TDRD3: variants seen among roughly 807,000 people sequenced by gnomAD.
The protein encoded by TDRD3 is tudor domain-containing protein 3.
Under a neutral mutation model 86.7 loss-of-function variants are expected in TDRD3, and 45 were observed. That is an observed-to-expected ratio of 0.52 (90% CI 0.41 to 0.67). The LOEUF is 0.67. Ranked by LOEUF, TDRD3 falls within the 30% of genes least tolerant of loss-of-function variation. The pLI is 0.00. For missense variants in TDRD3, 814 were observed against 889.0 expected (o/e 0.92, Z 1.07); for synonymous variants, 298 against 301.7 (o/e 0.99, Z 0.13).
intron 1 of TDRD3, among the ~76,000 whole-genome samples, chr13:60,425,156 G>A (rs1954769501): frequency 6.6e-6 from 1 of 152,082 alleles, no homozygotes; most frequent in African/African-American, 2.4e-5. Flanking sequence ...AGTCATCTTT[G>A]AAACAGAATA....
At position 60,510,655 on chromosome 13, in the gene TDRD3, A is replaced by T; in HGVS notation, c.1041A>T (p.Ile347=). Residue 347 remains isoleucine, a synonymous_variant, in exon 10 of 14, where the codon ATA becomes ATT. Transcript: ENST00000377881. ...GTAGAGGAAAAGGCAGGGGGCGAAT[A>T]AGATCTGAAGATGAAGAGGACCTGG... ...LRGRGKGRGR[I]RSEDEEDLGN... is the part of the protein sequence containing the mutation. The T allele has an allele frequency of 6.2e-7, 1 of 1,602,872 alleles. No homozygotes were observed. Among genetic ancestry groups the T allele is most frequent in the Non-Finnish European group, 8.5e-7 (1 of 1,174,588 alleles).
chr13:60,470,797 G>C (rs1454622149), intron 5 of TDRD3, among the ~76,000 whole-genome samples: 1 of 151,870 alleles, frequency 6.6e-6, no homozygotes, highest in African/African-American at 2.4e-5. Context: ...TGGCCAGGCT[G>C]GTCTCCAACT....
chr13:60,482,691 G>A (rs896853797), intron 5 of TDRD3, among the ~76,000 whole-genome samples: 6 of 152,062 alleles, frequency 3.9e-5, no homozygotes, highest in African/African-American at 1.4e-4. Flanking sequence ...AAGAAACGTG[G>A]CACTCATATA....
intron 1 of TDRD3, among the ~76,000 whole-genome samples, chr13:60,415,870 C>T (rs578017183): frequency 6.6e-5 from 10 of 152,148 alleles, no homozygotes; most frequent in Non-Finnish European, 1.0e-4. Context: ...AGACAATTTA[C>T]GGAAAAACAT....
intron 5 of TDRD3, among the ~76,000 whole-genome samples, chr13:60,480,913 G>A (rs906603193): frequency 1.3e-5 from 2 of 152,102 alleles, no homozygotes; most frequent in African/African-American, 2.4e-5. Flanking sequence ...GTGCACTCTG[G>A]TGGGAAGCCC....
chr13:60,410,908 T>C (rs141087039), intron 1 of TDRD3, among the ~76,000 whole-genome samples: 244 of 152,318 alleles, frequency 1.6e-3, no homozygotes, highest in Admixed American at 4.9e-3. Context: ...TCAAAAGTCT[T>C]TATAAACATA....
chr13:60,569,718 AAAAC>A (rs1195956089), intron 13 of TDRD3, among the ~76,000 whole-genome samples: 14 of 152,168 alleles, frequency 9.2e-5, no homozygotes, highest in Admixed American at 9.2e-4. Context: ...TACTGACATA[AAAAC>A]AAACAGACCA....
intron 1 of TDRD3, among the ~76,000 whole-genome samples, chr13:60,413,343 G>T (rs1322716571): frequency 6.6e-6 from 1 of 152,118 alleles, no homozygotes; most frequent in Non-Finnish European, 1.5e-5. Context: ...TGCTTGAGAA[G>T]CTGTATGGCT....
intron 7 of TDRD3, among the ~76,000 whole-genome samples, chr13:60,491,398 A>G (rs921020976): frequency 6.6e-6 from 1 of 152,228 alleles, no homozygotes; most frequent in South Asian, 2.1e-4. Context: ...TTATGAGGCC[A>G]AATGAGATCA....
At chr13:60,453,126 A>G (rs886620532) in intron 3 of TDRD3, among the ~76,000 whole-genome samples, 1 of 152,182 alleles carries the variant, frequency 6.6e-6, no homozygotes, top group Non-Finnish European at 1.5e-5. Context: ...AAGTTTAACG[A>G]TGAAGTTAAA....
At chr13:60,549,857 A>G (rs2038629) in intron 12 of TDRD3, among the ~76,000 whole-genome samples, 5,146 of 152,088 alleles carry the variant, frequency 0.034, 131 homozygotes, top group Non-Finnish European at 0.052. Flanking sequence ...ATTTTTTTTC[A>G]TGACAAAGTG....
At chr13:60,498,331 G>A (rs767983671) in intron 8 of TDRD3, among the ~76,000 whole-genome samples, 25 of 152,294 alleles carry the variant, frequency 1.6e-4, no homozygotes, top group Admixed American at 2.6e-4. Context: ...TAACTGCAGT[G>A]GGAATAATTG....
intron 1 of TDRD3, among the ~76,000 whole-genome samples, chr13:60,397,849 G>A (rs1953976226): frequency 6.6e-6 from 1 of 152,142 alleles, no homozygotes; most frequent in African/African-American, 2.4e-5. Flanking sequence ...CGCGGCCGGA[G>A]CCCGCGGGCC....
At chr13:60,499,808 G>C (rs1956795211) in intron 8 of TDRD3, among the ~76,000 whole-genome samples, 1 of 152,114 alleles carries the variant, frequency 6.6e-6, no homozygotes, top group African/African-American at 2.4e-5. Context: ...ATGCCTAGTG[G>C]GCCTATTTGG....
chr13:60,510,552 T>G, intron 9 of TDRD3, 78 bp from the exon 10 acceptor site: 1 of 1,275,592 alleles, frequency 7.8e-7, no homozygotes, highest in Non-Finnish European at 1.0e-6. Context: ...TTTAAAATTA[T>G]TGTTGGTTAT....
intron 1 of TDRD3, among the ~76,000 whole-genome samples, chr13:60,417,273 C>T (rs1954545601): frequency 1.3e-5 from 2 of 152,160 alleles, no homozygotes; most frequent in African/African-American, 2.4e-5. Context: ...GCCTCAGCCT[C>T]CCAAAGTGCT....
chr13:60,416,397 A>G (rs1419260551), intron 1 of TDRD3, among the ~76,000 whole-genome samples: 2 of 152,212 alleles, frequency 1.3e-5, no homozygotes, highest in Non-Finnish European at 2.9e-5. Flanking sequence ...GATATGGTCA[A>G]CTACTAATTC....
In TDRD3 at chr13:60,529,222, G is replaced by A; in HGVS notation, c.1992+5G>A. 1 of 1,576,232 alleles carries A rather than the reference G, an allele frequency of 6.3e-7. No homozygotes were observed. The highest frequency in any genetic ancestry group is 8.6e-7 in the Non-Finnish European group (1 of 1,164,506). ...CTTTATTGGGAAGACAACAAGGTAT[G>A]GATGCTTTAAAGATATTATACACTA... On this transcript the variant is annotated splice_donor_5th_base_variant and intron_variant, in intron 11 of 13. Coordinates refer to ENST00000377881, the MANE Select transcript of TDRD3 (RefSeq NM_001146070.2).
rs140791617 is a variant in TDRD3 at position 60,569,031 on chromosome 13, C to T, written c.*9+1381C>T. ...TCACTCAGGCTGGAGTGCAGTGGCACCATCTCAGCTCACTCCAGCCTCTGC... is the reference window on the plus strand; with the variant it reads ...TCACTCAGGCTGGAGTGCAGTGGCATCATCTCAGCTCACTCCAGCCTCTGC... On this transcript the variant is annotated intron_variant, in intron 13 of 13. Coordinates refer to ENST00000377881, the MANE Select transcript of TDRD3 (RefSeq NM_001146070.2). 3.0e-3 allele frequency among the ~76,000 whole-genome samples: 460 copies of T among 152,180 alleles called. 3 individuals are homozygous for T. Among genetic ancestry groups the T allele is most frequent in the African/African-American group, 0.01 (416 of 41,502 alleles).
Sources: gnomAD v4.1 joint callset for allele counts (sites outside exome capture counted in the v4.1 genomes callset) on GRCh38, gnomAD v4.1.1 for gene constraint, MANE v1.5 for transcripts, NCBI Gene and HGNC (gene_info 2026-07-23, HGNC 2026-07-21) for gene names.